Variants in NPAS3 observed in about 807,000 individuals in gnomAD.
NPAS3 encodes the protein neuronal PAS domain protein 3.
Under a neutral mutation model 73.1 loss-of-function variants are expected in NPAS3, and 14 were observed. The ratio of observed to expected loss-of-function variants is 0.19; its 90% confidence interval spans 0.13 to 0.30. The LOEUF (loss-of-function observed/expected upper bound fraction) is 0.30. Among genes scored for constraint, NPAS3 ranks in the 10% least tolerant of loss-of-function variants. The pLI is 1.00. For missense variants in NPAS3, 1,096 were observed against 1,250.0 expected (o/e 0.88, Z 1.86); for synonymous variants, 620 against 541.5 (o/e 1.14, Z -2.01).
intron 3 of NPAS3, among the ~76,000 whole-genome samples, chr14:33,223,240 G>A (rs923929971): frequency 1.3e-5 from 2 of 152,180 alleles, no homozygotes; most frequent in African/African-American, 4.8e-5. Flanking sequence ...GAACGTGGGA[G>A]GCAGGGGTTG....
intron 11 of NPAS3, among the ~76,000 whole-genome samples, chr14:33,798,691 T>C (rs1299963010): frequency 1.3e-5 from 2 of 152,172 alleles, no homozygotes; most frequent in Admixed American, 6.5e-5. Flanking sequence ...CTAAATTGCA[T>C]TAATTTGAAA....
At chr14:33,235,567 C>G (rs1244672761) in intron 3 of NPAS3, among the ~76,000 whole-genome samples, 1 of 151,982 alleles carries the variant, frequency 6.6e-6, no homozygotes, top group Non-Finnish European at 1.5e-5. Context: ...ATACTAGAGA[C>G]TCTCTAAATA....
chr14:33,048,778 C>T (rs10138501), intron 1 of NPAS3, among the ~76,000 whole-genome samples: 3,271 of 152,326 alleles, frequency 0.021, 103 homozygotes, highest in African/African-American at 0.068. Flanking sequence ...AGACCAAGAA[C>T]ACTCTGGCTG....
rs561514361 is a variant in NPAS3, at chr14:33,296,895, C to T, written c.386-70291C>T. The stretch of plus-strand genomic sequence containing the variant: ...CAAGCTGATGACTGTGGCTAACTAA[C>T]CTAGCTCTGTTCCTCTAAGGGACAA... On this transcript the variant is annotated intron_variant, in intron 3 of 11. Coordinates refer to ENST00000356141, the Ensembl canonical transcript of NPAS3. Among the ~76,000 whole-genome samples, 4 of 152,262 alleles carry T rather than the reference C, an allele frequency of 2.6e-5. No homozygotes were observed. The South Asian group carries it at 8.3e-4, about 32-fold the overall frequency.
chr14:33,368,331 A>G (rs1343824363), intron 4 of NPAS3, among the ~76,000 whole-genome samples: 10 of 149,864 alleles, frequency 6.7e-5, no homozygotes, highest in African/African-American at 1.9e-4. Flanking sequence ...AAAAGAAGAA[A>G]AAATAGCTCA....
intron 5 of NPAS3, among the ~76,000 whole-genome samples, chr14:33,655,331 CTTTTTTTTTTTTTTTT>C (rs3059406): frequency 3.0e-4 from 32 of 105,894 alleles, no homozygotes; most frequent in African/African-American, 1.1e-3. Flanking sequence ...ACCTTTGGCT[CTTTTTTTTTTTTTTTT>C]TTTTTTTTAA....
intron 2 of NPAS3, among the ~76,000 whole-genome samples, chr14:33,194,199 C>A (rs2046267185): frequency 6.6e-6 from 1 of 152,126 alleles, no homozygotes; most frequent in Non-Finnish European, 1.5e-5. Context: ...TGTAAGTTAA[C>A]CAGACATATG....
chr14:33,590,952 A>T (rs142068853), intron 5 of NPAS3, among the ~76,000 whole-genome samples: 1 of 152,324 alleles, frequency 6.6e-6, no homozygotes, highest in East Asian at 1.9e-4. Flanking sequence ...CTCTGACTTC[A>T]TGGTCCAGAG....
intron 4 of NPAS3, among the ~76,000 whole-genome samples, chr14:33,417,556 T>C (rs1462528306): frequency 6.6e-6 from 1 of 152,070 alleles, no homozygotes; most frequent in Non-Finnish European, 1.5e-5. Context: ...TATGTTTGGA[T>C]TCATATTGAA....
rs552453466 is a variant in NPAS3 at position 33,426,599 on chromosome 14, G to A, written c.468+59331G>A. Among the ~76,000 whole-genome samples, 15 of 152,076 alleles carry A rather than the reference G, an allele frequency of 9.9e-5. 1 individual carries two copies. The South Asian group carries it at 2.5e-3, about 25-fold the overall frequency. On this transcript the variant is annotated intron_variant, in intron 4 of 11. Transcript: ENST00000356141. ...AGAATATCATGAGCGAGGATACTTA[G>A]GATATTGTTAAGGGAGAGATTGAAG...
At position 33,037,556 on chromosome 14, in the gene NPAS3, C is replaced by T. The variant is rs1222268697; in HGVS notation, c.51-18349C>T. ...TGTTGCACACCTGTGGTCTCAGCTG[C>T]TAAAGAGGCTGAGGTAGGAAGATTG... On this transcript the variant is annotated intron_variant, in intron 1 of 11. Coordinates refer to ENST00000356141, the Ensembl canonical transcript of NPAS3. Among the ~76,000 whole-genome samples the T allele has an allele frequency of 2.0e-5, 3 of 151,754 alleles. No individual in the cohort carries two copies. In the East Asian group the frequency reaches 5.8e-4, roughly 29 times the overall value.
At chr14:33,617,418 G>A (rs1234076108) in intron 5 of NPAS3, among the ~76,000 whole-genome samples, 1 of 152,124 alleles carries the variant, frequency 6.6e-6, no homozygotes, top group African/African-American at 2.4e-5. Flanking sequence ...GGAAATTTAG[G>A]TGGGGGGAAT....
intron 5 of NPAS3, among the ~76,000 whole-genome samples, chr14:33,635,022 G>A: frequency 6.6e-6 from 1 of 152,226 alleles, no homozygotes; most frequent in East Asian, 1.9e-4. Context: ...AGTTTGAGAA[G>A]CACTGGTTTG....
chr14:33,669,887 GTTGT>G (rs1213984858), intron 5 of NPAS3, among the ~76,000 whole-genome samples: 13 of 151,994 alleles, frequency 8.6e-5, no homozygotes, highest in South Asian at 2.1e-4. Flanking sequence ...TGTTTTTGTT[GTTGT>G]TTGTTTTTTT....
intron 1 of NPAS3, among the ~76,000 whole-genome samples, chr14:32,972,230 G>A (rs1013411229): frequency 5.9e-5 from 9 of 151,756 alleles, no homozygotes; most frequent in East Asian, 3.9e-4. Context: ...GAGCCACCGC[G>A]CCTGGCCATC....
chr14:33,795,575 G>C (rs2063489003), intron 10 of NPAS3, among the ~76,000 whole-genome samples: 1 of 152,156 alleles, frequency 6.6e-6, no homozygotes. Flanking sequence ...ATTAAACGCT[G>C]GAAACAGGCA....
At chr14:33,703,364 T>A (rs935901005) in intron 6 of NPAS3, among the ~76,000 whole-genome samples, 1 of 152,078 alleles carries the variant, frequency 6.6e-6, no homozygotes, top group African/African-American at 2.4e-5. Flanking sequence ...CTTAGTGGCA[T>A]GTACCTATAG....
chr14:33,787,105 G>A (rs74044724), intron 9 of NPAS3, among the ~76,000 whole-genome samples: 1,849 of 152,138 alleles, frequency 0.012, 34 homozygotes, highest in African/African-American at 0.04. Context: ...AACTATTTTG[G>A]GTTGAGAAGG....
chr14:33,629,306 T>C (rs1415134131), intron 5 of NPAS3, among the ~76,000 whole-genome samples: 1 of 151,688 alleles, frequency 6.6e-6, no homozygotes, highest in Non-Finnish European at 1.5e-5. Flanking sequence ...AGTCTATCAG[T>C]GATATGTCAA....
Sources: allele counts gnomAD v4.1 joint callset (sites outside exome capture counted in the v4.1 genomes callset), GRCh38; gene constraint gnomAD v4.1.1; transcripts MANE v1.5; gene names NCBI Gene and HGNC (gene_info 2026-07-23, HGNC 2026-07-21).